Variants in FUCA1 observed in about 807,000 individuals in gnomAD.
FUCA1 encodes tissue alpha-L-fucosidase.
A neutral mutation model predicts 56.8 loss-of-function variants in FUCA1; 52 were observed. That is an observed-to-expected ratio of 0.92 (90% CI 0.73 to 1.15). The LOEUF (loss-of-function observed/expected upper bound fraction) is 1.15, where lower values mean the gene tolerates loss of function less well. Among genes scored for constraint, FUCA1 ranks in the 50% most tolerant of loss-of-function variants. The pLI is 0.00. For missense variants in FUCA1, 568 were observed against 592.6 expected (o/e 0.96, Z 0.43); for synonymous variants, 230 against 226.6 (o/e 1.02, Z -0.14).
At chr1:23,846,238 C>G in intron 6 of FUCA1, 65 bp from the exon 7 acceptor site, 1 of 980,912 alleles carries the variant, frequency 1.0e-6, no homozygotes. Flanking sequence ...CAACTTTATA[C>G]ATTTCCTCCT....
At position 23,865,946 on chromosome 1, in the gene FUCA1, C is replaced by T. The variant is rs112501219; in HGVS notation, c.390-321G>A. Among the ~76,000 whole-genome samples the T allele has an allele frequency of 1.4e-4, 21 of 152,288 alleles. 1 individual carries two copies. The highest frequency in any genetic ancestry group is 1.2e-3 in the South Asian group (6 of 4,822). On this transcript the variant is annotated intron_variant, in intron 1 of 7. Transcript: ENST00000374479. ...GATTCTTCAACACTTCTGGTAGGAA[C>T]GATTAACTTTCTTTCATTCTTTGCC...
rs749269943 is a variant in FUCA1 at position 23,848,734 on chromosome 1, C to T, written c.1075G>A (p.Gly359Arg). ...PIFQERLLAVGKWLSINGEAI... is the reference protein window; with the variant it reads ...PIFQERLLAVRKWLSINGEAI... Reference sequence around the variant, plus strand: ...TCCCCATTGATGCTCAGCCATTTCCCAACAGCAAGAAGCCTTTCTTGGAAG... The same window carrying T: ...TCCCCATTGATGCTCAGCCATTTCCTAACAGCAAGAAGCCTTTCTTGGAAG... Residue 359 changes from glycine to arginine, a missense_variant, in exon 6 of 8, where the codon GGG becomes AGG. Physicochemically the swap from Gly to Arg is moderately radical, Grantham distance 125. Coordinates refer to ENST00000374479, the MANE Select transcript of FUCA1 (RefSeq NM_000147.5). 37 of 1,614,068 alleles carry T rather than the reference C, an allele frequency of 2.3e-5. No individual in the cohort carries two copies. Among genetic ancestry groups the T allele is most frequent in the Non-Finnish European group, 6.8e-6 (8 of 1,180,030 alleles).
intron 6 of FUCA1, among the ~76,000 whole-genome samples, chr1:23,847,525 G>A (rs764561836): frequency 2.0e-4 from 30 of 152,088 alleles, no homozygotes; most frequent in Non-Finnish European, 2.8e-4. Flanking sequence ...AAGTAATTAG[G>A]ATCATATAAG....
chr1:23,860,647 CT>C (rs201252026), intron 3 of FUCA1, among the ~76,000 whole-genome samples: 89 of 141,840 alleles, frequency 6.3e-4, no homozygotes, highest in Non-Finnish European at 6.6e-4. Context: ...TCCTTTCTTC[CT>C]TTTTTTTTTT....
intron 5 of FUCA1, among the ~76,000 whole-genome samples, chr1:23,853,522 G>A (rs1448002803): frequency 2.6e-5 from 4 of 152,056 alleles, no homozygotes; most frequent in Non-Finnish European, 5.9e-5. Context: ...ACTGGGAAGT[G>A]AGGAGCCCCT....
chr1:23,856,706 G>A (rs1016778866), intron 4 of FUCA1, among the ~76,000 whole-genome samples: 67 of 152,086 alleles, frequency 4.4e-4, no homozygotes, highest in African/African-American at 1.6e-3. Context: ...GTTTAAGAGA[G>A]GCCGGCCGGG....
intron 2 of FUCA1, among the ~76,000 whole-genome samples, chr1:23,863,936 T>C (rs543124542): frequency 1.2e-4 from 18 of 152,246 alleles, no homozygotes; most frequent in African/African-American, 4.3e-4. Flanking sequence ...TAAAATTTCA[T>C]ATTTAAAGAA....
At position 23,854,413 on chromosome 1, in the gene FUCA1, A is replaced by G. The variant is rs1639348498; in HGVS notation, c.916T>C (p.Tyr306His). 1.2e-6 allele frequency: 2 copies of G among 1,613,992 alleles called. No individual in the cohort carries two copies. The highest frequency in any genetic ancestry group is 1.3e-5 in the African/African-American group (1 of 74,916). The change falls in exon 5 of 8, where the codon TAT becomes CAT. Residue 306 changes from tyrosine to histidine, a missense_variant. Physicochemically the swap from Tyr to His is moderately conservative, Grantham distance 83. Coordinates refer to ENST00000374479, the MANE Select transcript of FUCA1 (RefSeq NM_000147.5). ...CTSIDKFSWG[Y>H]RRDMALSDVT... ...TCAGACAATGCCATGTCACGACGAT[A>G]GCCCCAGGAAAACTTGTCAATGCTG...
rs200962094 is a variant in FUCA1 at position 23,854,468 on chromosome 1, G to A, written c.861C>T (p.Ser287=). 5.5e-5 allele frequency: 89 copies of A among 1,614,044 alleles called. No individual in the cohort carries two copies. In the Middle Eastern group the frequency reaches 4.0e-3, roughly 72 times the overall value. The change falls in exon 5 of 8, where the codon AGC becomes AGT. Residue 287 remains serine (S), a synonymous_variant. Coordinates refer to ENST00000374479, the MANE Select transcript of FUCA1 (RefSeq NM_000147.5). ...ACATCTCCCACTTGTGATCTGGCAAGCTCTGTGGCTTGAATTTATCTTCAC... is the reference window on the plus strand; with the variant it reads ...ACATCTCCCACTTGTGATCTGGCAAACTCTGTGGCTTGAATTTATCTTCAC... ...YNCEDKFKPQ[S]LPDHKWEMCT...
At chr1:23,846,316 G>A in intron 6 of FUCA1, 143 bp from the exon 7 acceptor site, 1 of 661,842 alleles carries the variant, frequency 1.5e-6, no homozygotes, top group East Asian at 2.7e-5. Flanking sequence ...CTGTTGCCCA[G>A]GCTGGAGTGC....
At chr1:23,858,697 G>A (rs907110242) in intron 4 of FUCA1, among the ~76,000 whole-genome samples, 2 of 152,166 alleles carry the variant, frequency 1.3e-5, no homozygotes, top group African/African-American at 4.8e-5. Flanking sequence ...GTAGGCATCT[G>A]CATTTTATTC....
intron 5 of FUCA1, among the ~76,000 whole-genome samples, chr1:23,853,334 G>A (rs553493014): frequency 0.027 from 4,128 of 151,848 alleles, 90 homozygotes; most frequent in Non-Finnish European, 0.04. Flanking sequence ...CACCCCATCC[G>A]GGAGGGAGGT....
chr1:23,863,156 C>T lies in FUCA1; in HGVS notation c.640G>A (p.Glu214Lys). ...TACCTGTTAACAAGGTCGTACAGCT[C>T]TGGCATTGTTTTTGCACTGACAAAA... The part of the protein sequence containing the change: ...QHFVSAKTMP[E>K]LYDLVNSYKP... The change falls in exon 3 of 8, where the codon GAG becomes AAG. Residue 214 changes from glutamate (E) to lysine (K), a missense_variant. By Grantham distance (56) the Glu-to-Lys change is moderately conservative (BLOSUM62 1). Transcript: ENST00000374479. 6.2e-7 allele frequency: 1 copy of T among 1,613,956 alleles called. No homozygotes were observed. Among genetic ancestry groups the T allele is most frequent in the Non-Finnish European group, 8.5e-7 (1 of 1,180,006 alleles).
intron 3 of FUCA1, among the ~76,000 whole-genome samples, chr1:23,860,738 A>C (rs918636238): frequency 6.6e-6 from 1 of 150,966 alleles, no homozygotes; most frequent in Non-Finnish European, 1.5e-5. Context: ...TGCTGGATTC[A>C]AGTGATTCTT....
Position 23,845,153 on chromosome 1 carries a change from C to A in FUCA1, c.*562G>T, listed in dbSNP as rs1475787235. ...TAAAAAGACAGAGCAGAATCACATT[C>A]ATTTTCTTAATAGTATCACTGTAAA... On this transcript the variant is annotated 3_prime_UTR_variant, in exon 8 of 8. Transcript: ENST00000374479. The A allele has an allele frequency of 6.2e-6, 1 of 161,080 alleles. No individual in the cohort carries two copies. The highest frequency in any genetic ancestry group is 1.8e-4 in the East Asian group (1 of 5,552). The allele number at this position is 161,080 out of a possible 1,614,324, so 10.0% of individuals were successfully genotyped here.
rs534603785 is a variant in FUCA1 at position 23,862,117 on chromosome 1, C to G, written c.662+1017G>C. On this transcript the variant is annotated intron_variant, in intron 3 of 7. Coordinates refer to ENST00000374479, the MANE Select transcript of FUCA1 (RefSeq NM_000147.5). ...TGTCCATGTCTCTGATGGTCTCTTA[C>G]AATTGTTACTATTTTCTTAAGAGAA... Among the ~76,000 whole-genome samples, 27 of 152,278 alleles carry G rather than the reference C, an allele frequency of 1.8e-4. No homozygotes were observed. In the East Asian group the frequency reaches 5.2e-3, roughly 29 times the overall value.
chr1:23,852,737 A>C (rs1485338531), intron 5 of FUCA1, among the ~76,000 whole-genome samples: 5 of 152,104 alleles, frequency 3.3e-5, no homozygotes, highest in Non-Finnish European at 7.4e-5. Flanking sequence ...CTCGGCCTCC[A>C]GAGGTGCCGG....
At chr1:23,866,595 CTGTAG>C (rs1258467140) in intron 1 of FUCA1, among the ~76,000 whole-genome samples, 1 of 152,226 alleles carries the variant, frequency 6.6e-6, no homozygotes, top group Non-Finnish European at 1.5e-5. Flanking sequence ...ACATTCCTCT[CTGTAG>C]TGTATTCTTC....
chr1:23,852,479 C>A (rs1323017903), intron 5 of FUCA1, among the ~76,000 whole-genome samples: 1 of 151,126 alleles, frequency 6.6e-6, no homozygotes, highest in Non-Finnish European at 1.5e-5. Flanking sequence ...TCCCTCTCCC[C>A]ACGGTCTCCC....
Sources: allele counts gnomAD v4.1 joint callset (sites outside exome capture counted in the v4.1 genomes callset), GRCh38; gene constraint gnomAD v4.1.1; transcripts MANE v1.5; gene names NCBI Gene and HGNC (gene_info 2026-07-23, HGNC 2026-07-21).